SUMF1: variants seen among roughly 807,000 people sequenced by gnomAD.
SUMF1 encodes formylglycine-generating enzyme.
SUMF1 carries 48 observed loss-of-function variants against 47.6 expected under a neutral mutation model. That is an observed-to-expected ratio of 1.01 (90% CI 0.80 to 1.28). The LOEUF (loss-of-function observed/expected upper bound fraction) is 1.28, where lower values mean the gene tolerates loss of function less well. SUMF1 is among the 50% of genes most tolerant of loss of function. SUMF1 has a pLI of 0.00. For missense variants in SUMF1, 571 were observed against 485.4 expected, an observed-to-expected ratio of 1.18 and a Z score of -1.66; for synonymous variants, 230 against 192.1, an observed-to-expected ratio of 1.20 and a Z score of -1.63.
chr3:4,327,164 G>C (rs935048795), intron 8 of SUMF1, among the ~76,000 whole-genome samples: 1 of 152,086 alleles, frequency 6.6e-6, no homozygotes. Context: ...TATCAGCAAT[G>C]TTTCAAACAA....
intron 8 of SUMF1, among the ~76,000 whole-genome samples, chr3:4,082,498 A>G (rs958558447): frequency 1.3e-5 from 2 of 152,058 alleles, no homozygotes; most frequent in African/African-American, 4.8e-5. Context: ...AATTAATTTA[A>G]TTAAAAGTTA....
intron 8 of SUMF1, among the ~76,000 whole-genome samples, chr3:4,292,068 C>CAAA (rs1697752890): frequency 6.6e-6 from 1 of 152,052 alleles, no homozygotes; most frequent in Non-Finnish European, 1.5e-5. Flanking sequence ...TAATTATTTG[C>CAAA]AAAAACATGT....
intron 7 of SUMF1, among the ~76,000 whole-genome samples, chr3:4,384,359 T>G (rs1700602655): frequency 6.6e-6 from 1 of 152,182 alleles, no homozygotes; most frequent in Non-Finnish European, 1.5e-5. Flanking sequence ...GGCAACATCT[T>G]CCAAAACTCT....
chr3:4,272,518 G>T (rs1277039235), intron 8 of SUMF1, among the ~76,000 whole-genome samples: 1 of 152,118 alleles, frequency 6.6e-6, no homozygotes, highest in Non-Finnish European at 1.5e-5. Flanking sequence ...TTCTGACGGG[G>T]GCTGACACAA....
rs539990704 is a variant in SUMF1, at chr3:4,069,170, A to G, written c.1015-425T>C. 5.3e-5 allele frequency among the ~76,000 whole-genome samples: 8 copies of G among 152,286 alleles called. No individual in the cohort carries two copies. The East Asian group carries it at 1.5e-3, about 29-fold the overall frequency. The stretch of plus-strand genomic sequence containing the variant: ...AGGGAGAAAGAACACATAGGATGAG[A>G]TAACTAGTCACAGAAGGCTGTTTAT... On this transcript the variant is annotated intron_variant and NMD_transcript_variant, in intron 8 of 12. Transcript: ENST00000448413.
intron 8 of SUMF1, among the ~76,000 whole-genome samples, chr3:4,069,195 T>C (rs1052014835): frequency 1.4e-4 from 22 of 152,186 alleles, no homozygotes; most frequent in Admixed American, 1.0e-3. Flanking sequence ...AGGCTGTTTA[T>C]GGCATGTAAC....
intron 7 of SUMF1, among the ~76,000 whole-genome samples, chr3:4,390,871 C>T (rs1017624151): frequency 1.6e-4 from 24 of 152,148 alleles, no homozygotes; most frequent in Admixed American, 1.6e-3. Flanking sequence ...CTTTAACTTT[C>T]CATGGTCTGC....
chr3:4,420,209 T>C (rs1701846738), intron 3 of SUMF1, 63 bp from the exon 4 acceptor site: 1 of 1,314,786 alleles, frequency 7.6e-7, no homozygotes, highest in East Asian at 2.3e-5. Context: ...AAATATCAAC[T>C]CAGTACATGC....
chr3:4,366,993 G>A (rs1699986027), intron 8 of SUMF1, among the ~76,000 whole-genome samples: 1 of 152,184 alleles, frequency 6.6e-6, no homozygotes, highest in African/African-American at 2.4e-5. Flanking sequence ...TCCAGACCCT[G>A]TTTGCCTGGG....
At chr3:4,347,306 C>G (rs144348669) in intron 8 of SUMF1, among the ~76,000 whole-genome samples, 62 of 152,306 alleles carry the variant, frequency 4.1e-4, no homozygotes, top group Middle Eastern at 3.4e-3. Flanking sequence ...CAAACCGAAT[C>G]CAGCAGCACA....
intron 8 of SUMF1, among the ~76,000 whole-genome samples, chr3:4,215,413 T>C (rs1204819850): frequency 2.0e-5 from 3 of 152,122 alleles, no homozygotes; most frequent in Non-Finnish European, 2.9e-5. Context: ...TAAGAGCTAT[T>C]TATGACAAAC....
intron 3 of SUMF1, among the ~76,000 whole-genome samples, chr3:4,431,277 T>G (rs1702224077): frequency 6.6e-6 from 1 of 152,194 alleles, no homozygotes; most frequent in South Asian, 2.1e-4. Context: ...TTGGCACACT[T>G]TCCTCTGATT....
chr3:4,445,176 G>C (rs963902177), intron 3 of SUMF1, among the ~76,000 whole-genome samples: 2 of 152,124 alleles, frequency 1.3e-5, no homozygotes, highest in Non-Finnish European at 2.9e-5. Flanking sequence ...TTCTAGTTGT[G>C]AAACTGGACT....
At chr3:4,454,620 G>C (rs779122520) in intron 1 of SUMF1, among the ~76,000 whole-genome samples, 2 of 152,044 alleles carry the variant, frequency 1.3e-5, no homozygotes, top group Non-Finnish European at 2.9e-5. Context: ...GTAAAAACTT[G>C]TACAAAAACA....
At chr3:4,214,895 C>T (rs1695883679) in intron 8 of SUMF1, among the ~76,000 whole-genome samples, 1 of 152,054 alleles carries the variant, frequency 6.6e-6, no homozygotes, top group African/African-American at 2.4e-5. Context: ...AAAATTGAGG[C>T]AGTAATTAAT....
At chr3:4,310,980 C>G (rs2125091321) in intron 8 of SUMF1, among the ~76,000 whole-genome samples, 1 of 152,354 alleles carries the variant, frequency 6.6e-6, no homozygotes, top group South Asian at 2.1e-4. Context: ...TATAAAACAG[C>G]AGTCGTTGAG....
intron 9 of SUMF1, among the ~76,000 whole-genome samples, chr3:4,041,553 T>A (rs1479301378): frequency 6.6e-6 from 1 of 152,100 alleles, no homozygotes; most frequent in African/African-American, 2.4e-5. Flanking sequence ...ATGGTAAAAT[T>A]CCCCTAATAC....
intron 8 of SUMF1, among the ~76,000 whole-genome samples, chr3:4,271,225 A>G (rs1293140922): frequency 1.3e-5 from 2 of 152,154 alleles, no homozygotes; most frequent in Non-Finnish European, 2.9e-5. Context: ...AGAAATAACC[A>G]AAGTCCTAAA....
chr3:4,149,402 G>A (rs1694267999), intron 8 of SUMF1, among the ~76,000 whole-genome samples: 1 of 152,006 alleles, frequency 6.6e-6, no homozygotes, highest in Admixed American at 6.6e-5. Flanking sequence ...ATTCAGCATA[G>A]GATTCAATGC....
Sources: allele counts gnomAD v4.1 joint callset (sites outside exome capture counted in the v4.1 genomes callset), GRCh38; gene constraint gnomAD v4.1.1; transcripts MANE v1.5; gene names NCBI Gene and HGNC (gene_info 2026-07-23, HGNC 2026-07-21).